ZNF407: variants seen among roughly 807,000 people sequenced by gnomAD.
ZNF407 encodes the protein zinc finger protein 407.
In ZNF407, 17 loss-of-function variants were observed where a neutral mutation model predicts 131.2. The observed-to-expected ratio is 0.13, with a 90% CI of 0.09 to 0.19. The LOEUF (loss-of-function observed/expected upper bound fraction) is 0.19. ZNF407 is among the 10% of genes least tolerant of loss of function. ZNF407 has a pLI of 1.00. For missense variants in ZNF407, 2,681 were observed against 2,830.6 expected, an observed-to-expected ratio of 0.95 and a Z score of 1.20; for synonymous variants, 1,156 against 1,062.0, an observed-to-expected ratio of 1.09 and a Z score of -1.72.
intron 3 of ZNF407, among the ~76,000 whole-genome samples, chr18:74,684,166 A>G (rs1165526714): frequency 1.3e-5 from 2 of 152,176 alleles, no homozygotes. Context: ...AACAGCACTT[A>G]AGGAGTTTTG....
In ZNF407 at chr18:74,635,707, G is replaced by A; in HGVS notation, c.4687+1G>A. 1 of 1,568,068 alleles carries A rather than the reference G, an allele frequency of 6.4e-7. No homozygotes were observed. Among genetic ancestry groups the A allele is most frequent in the Non-Finnish European group, 8.6e-7 (1 of 1,156,920 alleles). ...CTGGCACACATTCGCACTCACACAGGTATGTAGCTCTGCAGCAAGCCAAGT... is the reference window on the plus strand; with the variant it reads ...CTGGCACACATTCGCACTCACACAGATATGTAGCTCTGCAGCAAGCCAAGT... On this transcript the variant is annotated splice_donor_variant, in intron 2 of 8. Coordinates refer to ENST00000299687, the MANE Select transcript of ZNF407 (RefSeq NM_017757.3). LOFTEE classifies it high-confidence loss of function. This position sits in a 1 kb window ranked among gnomAD's most constrained non-coding sequence, Gnocchi z 4.7.
At chr18:75,051,959 A>C (rs1973505941) in intron 8 of ZNF407, among the ~76,000 whole-genome samples, 1 of 152,224 alleles carries the variant, frequency 6.6e-6, no homozygotes, top group South Asian at 2.1e-4. Flanking sequence ...TAGTTTAGAA[A>C]GGCCCGCCTA....
intron 8 of ZNF407, chr18:75,061,465 GC>G (rs1271974084): frequency 6.6e-6 from 1 of 152,260 alleles, no homozygotes; most frequent in Admixed American, 6.5e-5. Flanking sequence ...GGAGCAGCAG[GC>G]GTTGCCCTGA....
intron 4 of ZNF407, among the ~76,000 whole-genome samples, chr18:74,852,900 C>G (rs1220639506): frequency 6.6e-6 from 1 of 152,088 alleles, no homozygotes; most frequent in African/African-American, 2.4e-5. Flanking sequence ...TTTTCTAAAT[C>G]TTGTATTATG....
chr18:74,929,576 A>G (rs1224991277), intron 8 of ZNF407, among the ~76,000 whole-genome samples: 11 of 152,160 alleles, frequency 7.2e-5, no homozygotes, highest in South Asian at 2.1e-4. Flanking sequence ...TATAACTTAC[A>G]TATTTTAAAA....
At chr18:75,046,937 C>T (rs532988406) in intron 8 of ZNF407, among the ~76,000 whole-genome samples, 19 of 152,232 alleles carry the variant, frequency 1.2e-4, no homozygotes, top group African/African-American at 4.1e-4. Context: ...ATGGCAGTTA[C>T]TCTGTAGGTT....
intron 4 of ZNF407, among the ~76,000 whole-genome samples, chr18:74,839,410 T>A (rs1019617159): frequency 2.0e-5 from 3 of 152,242 alleles, no homozygotes; most frequent in Admixed American, 1.3e-4. Flanking sequence ...TTGGAAATTC[T>A]TGGACAGAAC....
chr18:74,615,897 CT>C (rs1480168112), intron 1 of ZNF407, among the ~76,000 whole-genome samples: 1 of 151,388 alleles, frequency 6.6e-6, no homozygotes, highest in South Asian at 2.1e-4. Context: ...GAGTTTCATT[CT>C]TTTTGTCCGG....
At position 74,631,824 on chromosome 18, in the gene ZNF407, C is replaced by A; in HGVS notation, c.805C>A (p.Leu269Ile). The change falls in exon 2 of 9, where the codon CTC (leucine) becomes ATC (isoleucine). Residue 269 changes from leucine (L) to isoleucine (I), a missense_variant. This residue lies in a region of ZNF407 where 1,789 missense variants were observed against 1,748.7 expected (regional missense o/e 1.02). Transcript: ENST00000299687. ...TGCACATTATCTTGGCAAAACACATCTCCGTCGTCAGAATCTGGCTGCTCG... is the reference window on the plus strand; with the variant it reads ...TGCACATTATCTTGGCAAAACACATATCCGTCGTCAGAATCTGGCTGCTCG... ...LNAHYLGKTH[L>I]RRQNLAARGG... 6.2e-7 allele frequency: 1 copy of A among 1,614,034 alleles called. No homozygotes were observed. Among genetic ancestry groups the A allele is most frequent in the African/African-American group, 1.3e-5 (1 of 75,056 alleles).
intron 4 of ZNF407, among the ~76,000 whole-genome samples, chr18:74,862,892 C>T (rs1460492706): frequency 6.6e-6 from 1 of 150,814 alleles, no homozygotes. Context: ...CCTGTGTTCC[C>T]CAGAGGAAAA....
intron 3 of ZNF407, among the ~76,000 whole-genome samples, chr18:74,666,755 T>G (rs1335312794): frequency 5.3e-5 from 8 of 152,178 alleles, no homozygotes; most frequent in African/African-American, 1.9e-4. Flanking sequence ...GTCTCGGCAT[T>G]GAGGCTCAGG....
In ZNF407 at chr18:74,633,068, G is replaced by C. The variant is rs1186862740; in HGVS notation, c.2049G>C (p.Gln683His). The C allele has an allele frequency of 6.2e-7, 1 of 1,613,938 alleles. No homozygotes were observed. Among genetic ancestry groups the C allele is most frequent in the Non-Finnish European group, 8.5e-7 (1 of 1,179,898 alleles). The change falls in exon 2 of 9, where the codon CAG becomes CAC. Residue 683 changes from glutamine (Q) to histidine (H), a missense_variant. Gln to His is a conservative substitution (Grantham distance 24). Around this residue, in one of 6 missense-constraint regions of ZNF407, gnomAD observed 1,789 missense variants for 1,748.7 expected, o/e 1.02. Coordinates refer to ENST00000299687, the MANE Select transcript of ZNF407 (RefSeq NM_017757.3). ...ESMDDSGKAS[Q>H]EEPLKSRVSH... ...TGGATGACTCAGGAAAAGCATCTCA[G>C]GAAGAACCTCTGAAGTCCAGGGTAA... is the stretch of plus-strand genomic sequence containing the variant.
chr18:74,996,531 G>C (rs530320439), intron 8 of ZNF407, among the ~76,000 whole-genome samples: 2 of 152,236 alleles, frequency 1.3e-5, no homozygotes, highest in Non-Finnish European at 2.9e-5. Flanking sequence ...ATGCACAAAA[G>C]GCAGGGCTCT....
intron 4 of ZNF407, among the ~76,000 whole-genome samples, chr18:74,874,224 G>A (rs1160086071): frequency 3.3e-5 from 5 of 152,044 alleles, no homozygotes; most frequent in Non-Finnish European, 7.4e-5. Flanking sequence ...CATATTATGC[G>A]TGCTTGTGTT....
intron 4 of ZNF407, among the ~76,000 whole-genome samples, chr18:74,845,196 T>C (rs1257420678): frequency 6.6e-6 from 1 of 152,232 alleles, no homozygotes; most frequent in African/African-American, 2.4e-5. Context: ...TTTATAATAA[T>C]TGAAAAGAAA....
At chr18:74,786,679 C>T (rs1010983476) in intron 4 of ZNF407, among the ~76,000 whole-genome samples, 39 of 151,020 alleles carry the variant, frequency 2.6e-4, no homozygotes, top group Admixed American at 2.4e-3. Flanking sequence ...GCATGAGCTG[C>T]GAACTCTTTC....
At chr18:74,717,502 G>A (rs1967922770) in intron 3 of ZNF407, among the ~76,000 whole-genome samples, 1 of 152,128 alleles carries the variant, frequency 6.6e-6, no homozygotes, top group South Asian at 2.1e-4. Context: ...TATGTATACA[G>A]ATCTAAAAAC....
intron 8 of ZNF407, among the ~76,000 whole-genome samples, chr18:74,943,768 G>A (rs560244723): frequency 6.6e-6 from 1 of 152,288 alleles, no homozygotes; most frequent in East Asian, 1.9e-4. Flanking sequence ...GCTGTGTACA[G>A]TATGTACCTC....
intron 8 of ZNF407, among the ~76,000 whole-genome samples, chr18:75,015,393 T>C (rs937387913): frequency 6.7e-6 from 1 of 150,360 alleles, no homozygotes; most frequent in Non-Finnish European, 1.5e-5. Flanking sequence ...AAATGAACTA[T>C]TCCAAGATCT....
Sources: allele counts gnomAD v4.1 joint callset (sites outside exome capture counted in the v4.1 genomes callset), GRCh38; gene constraint gnomAD v4.1.1; regional missense constraint gnomAD v4.1.1; non-coding constraint Gnocchi (gnomAD v3.1); transcripts MANE v1.5; gene names NCBI Gene and HGNC (gene_info 2026-07-23, HGNC 2026-07-21).